The following PDGFRL variants were observed in gnomAD, a reference collection of about 807,000 sequenced individuals.
PDGFRL encodes the protein platelet derived growth factor receptor like.
Under a neutral mutation model 37.2 loss-of-function variants are expected in PDGFRL, and 46 were observed. That is an observed-to-expected ratio of 1.24 (90% CI 0.98 to 1.58). The LOEUF (loss-of-function observed/expected upper bound fraction) is 1.58, where lower values mean the gene tolerates loss of function less well. Ranked by LOEUF, PDGFRL falls within the 40% of genes most tolerant of loss-of-function variation. PDGFRL has a pLI of 0.00. For synonymous variants in PDGFRL, 251 were observed against 184.3 expected, an observed-to-expected ratio of 1.36 and a Z score of -2.93; for missense variants, 692 against 467.6, an observed-to-expected ratio of 1.48 and a Z score of -4.43.
In PDGFRL at chr8:17,642,629, C is replaced by A; in HGVS notation, c.956C>A (p.Thr319Lys). 1 of 1,606,944 alleles carries A rather than the reference C, an allele frequency of 6.2e-7. No individual in the cohort carries two copies. The highest frequency in any genetic ancestry group is 1.1e-5 in the South Asian group (1 of 90,922). ...GTTAAACAGGATGAAAGGCCTGTGACGATCCAAGACACTTGGAGGTTGATC... is the reference window on the plus strand; with the variant it reads ...GTTAAACAGGATGAAAGGCCTGTGAAGATCCAAGACACTTGGAGGTTGATC... ...FPGQKDERPV[T>K]IQDTWRLIHR... Residue 319 changes from threonine (T) to lysine (K), a missense_variant, in exon 6 of 6, where the codon ACG becomes AAG. Coordinates refer to ENST00000251630, the MANE Select transcript of PDGFRL (RefSeq NM_001372073.1).
At chr8:17,580,603 A>C (rs191590765) in intron 1 of PDGFRL, among the ~76,000 whole-genome samples, 1 of 152,264 alleles carries the variant, frequency 6.6e-6, no homozygotes, top group Non-Finnish European at 1.5e-5. Context: ...GGGAGAGGAA[A>C]GATAAAGAAG....
chr8:17,634,757 G>T (rs1372090116), intron 5 of PDGFRL, among the ~76,000 whole-genome samples: 1 of 152,064 alleles, frequency 6.6e-6, no homozygotes, highest in Non-Finnish European at 1.5e-5. Flanking sequence ...TTTTAAGTGG[G>T]AGCTAAATGA....
intron 5 of PDGFRL, among the ~76,000 whole-genome samples, chr8:17,636,917 G>C (rs1402539977): frequency 6.6e-6 from 1 of 152,066 alleles, no homozygotes; most frequent in Non-Finnish European, 1.5e-5. Context: ...TCTCAGCTTG[G>C]TTGCTGTTGG....
At chr8:17,628,817 C>T (rs947797706) in intron 4 of PDGFRL, 37 bp downstream of exon 4, 3 of 1,484,246 alleles carry the variant, frequency 2.0e-6, no homozygotes, top group Non-Finnish European at 2.8e-6. Flanking sequence ...TCTAGTTAGT[C>T]CCCTGGTCAG....
intron 2 of PDGFRL, among the ~76,000 whole-genome samples, chr8:17,595,656 C>T (rs999793920): frequency 1.3e-5 from 2 of 152,216 alleles, no homozygotes; most frequent in African/African-American, 2.4e-5. Context: ...AGGAGTGTGC[C>T]TCCACCTTCC....
chr8:17,641,788 A>G (rs1045230877), intron 5 of PDGFRL, among the ~76,000 whole-genome samples: 1 of 151,480 alleles, frequency 6.6e-6, no homozygotes, highest in East Asian at 1.9e-4. Context: ...TGATTGGTAG[A>G]AAATAACTGT....
At chr8:17,603,606 T>G (rs1804210759) in intron 2 of PDGFRL, among the ~76,000 whole-genome samples, 1 of 152,160 alleles carries the variant, frequency 6.6e-6, no homozygotes, top group Non-Finnish European at 1.5e-5. Context: ...GTTTCTTGAC[T>G]CCTCTGCCCT....
At chr8:17,624,795 C>T (rs1192043952) in intron 3 of PDGFRL, among the ~76,000 whole-genome samples, 1 of 152,090 alleles carries the variant, frequency 6.6e-6, no homozygotes, top group African/African-American at 2.4e-5. Context: ...GTAATTCCAG[C>T]TACTCGGGAG....
chr8:17,601,651 A>C (rs1322814700), intron 2 of PDGFRL, among the ~76,000 whole-genome samples: 1 of 152,076 alleles, frequency 6.6e-6, no homozygotes, highest in East Asian at 1.9e-4. Flanking sequence ...CCCTGTGTCT[A>C]TAATTCCTGT....
intron 1 of PDGFRL, among the ~76,000 whole-genome samples, chr8:17,588,685 C>G (rs143766366): frequency 2.6e-4 from 40 of 152,142 alleles, no homozygotes; most frequent in African/African-American, 8.9e-4. Flanking sequence ...ACGTTAAACA[C>G]AAAATATTTT....
chr8:17,629,883 C>G (rs1212551144), intron 4 of PDGFRL, among the ~76,000 whole-genome samples: 1 of 152,144 alleles, frequency 6.6e-6, no homozygotes, highest in Non-Finnish European at 1.5e-5. Context: ...CTGCACCCAC[C>G]CTGTTCTTGA....
chr8:17,580,095 C>T (rs936104278), intron 1 of PDGFRL, among the ~76,000 whole-genome samples: 4 of 152,104 alleles, frequency 2.6e-5, no homozygotes, highest in Non-Finnish European at 5.9e-5. Flanking sequence ...ATTTGTGCAA[C>T]GAGTTCTGTT....
chr8:17,624,004 C>A (rs902643949), intron 3 of PDGFRL, among the ~76,000 whole-genome samples: 3 of 150,848 alleles, frequency 2.0e-5, no homozygotes, highest in African/African-American at 4.9e-5. Flanking sequence ...AAACTTTGAT[C>A]AAAAAAAATA....
intron 5 of PDGFRL, among the ~76,000 whole-genome samples, chr8:17,636,418 G>C (rs567433787): frequency 1.3e-5 from 2 of 152,002 alleles, no homozygotes; most frequent in East Asian, 1.9e-4. Flanking sequence ...TCAAAGATCA[G>C]TGTAAGTATT....
intron 2 of PDGFRL, among the ~76,000 whole-genome samples, chr8:17,606,703 A>T (rs377413584): frequency 0.93 from 140,689 of 151,800 alleles, 65,910 homozygotes; most frequent in East Asian, 1. Context: ...GTTCAGGACA[A>T]GGGTGGGGGG....
chr8:17,621,664 C>G (rs1488679601), intron 3 of PDGFRL, among the ~76,000 whole-genome samples: 1 of 152,164 alleles, frequency 6.6e-6, no homozygotes, highest in African/African-American at 2.4e-5. Flanking sequence ...TGGCTAATGG[C>G]TATTGTACTA....
At position 17,642,738 on chromosome 8, in the gene PDGFRL, C is replaced by G; in HGVS notation, c.1065C>G (p.Tyr355Ter). The G allele has an allele frequency of 6.2e-7, 1 of 1,608,584 alleles. No individual in the cohort carries two copies. The highest frequency in any genetic ancestry group is 8.5e-7 in the Non-Finnish European group (1 of 1,174,876). Residue 355 changes from tyrosine to a stop codon, truncating the protein, a stop_gained, in exon 6 of 6, where the codon TAC (tyrosine) becomes TAG (stop). Transcript: ENST00000251630. LOFTEE classifies it high-confidence loss of function. ...TTGAGACGATTGATGCAGGATATTACATTTGCACTGCTCAGAATCTTCAAG... is the reference window on the plus strand; with the variant it reads ...TTGAGACGATTGATGCAGGATATTAGATTTGCACTGCTCAGAATCTTCAAG... ...EDFETIDAGY[Y>*]ICTAQNLQGQ...
chr8:17,637,326 T>A (rs143044139), intron 5 of PDGFRL, among the ~76,000 whole-genome samples: 1 of 152,324 alleles, frequency 6.6e-6, no homozygotes, highest in Non-Finnish European at 1.5e-5. Flanking sequence ...TTTTTGTGTG[T>A]CTGTTGAGAT....
At chr8:17,585,837 G>T (rs1803803164) in intron 1 of PDGFRL, among the ~76,000 whole-genome samples, 2 of 152,188 alleles carry the variant, frequency 1.3e-5, no homozygotes, top group Non-Finnish European at 2.9e-5. Context: ...TGATGAATAA[G>T]ATTTGATTGT....
Sources: allele counts gnomAD v4.1 joint callset (sites outside exome capture counted in the v4.1 genomes callset), GRCh38; gene constraint gnomAD v4.1.1; transcripts MANE v1.5; gene names NCBI Gene and HGNC (gene_info 2026-07-23, HGNC 2026-07-21).